The following DGKI variants were observed in gnomAD, a reference collection of about 807,000 sequenced individuals.
DGKI encodes the protein DAG kinase iota.
Under a neutral mutation model 147.5 loss-of-function variants are expected in DGKI, and 55 were observed. That is an observed-to-expected ratio of 0.37 (90% CI 0.30 to 0.47). The LOEUF is 0.47. DGKI is among the 20% of genes least tolerant of loss of function. The pLI is 1.00. For synonymous variants in DGKI, 469 were observed against 477.1 expected (o/e 0.98, Z 0.22); for missense variants, 1,007 against 1,323.8 (o/e 0.76, Z 3.71).
chr7:137,472,409 A>G (rs1815011614), intron 23 of DGKI, among the ~76,000 whole-genome samples: 1 of 135,864 alleles, frequency 7.4e-6, no homozygotes, highest in South Asian at 2.1e-4. Context: ...TATTATATGT[A>G]TATATACATA....
At chr7:137,734,173 A>C (rs1794959762) in intron 1 of DGKI, among the ~76,000 whole-genome samples, 1 of 152,056 alleles carries the variant, frequency 6.6e-6, no homozygotes, top group Non-Finnish European at 1.5e-5. Flanking sequence ...CCCTTCTAAT[A>C]AACAGAATAC....
rs1427972850 is a variant in DGKI at position 137,527,916 on chromosome 7, T to A, written c.2148-5950A>T. ...GGCTCGTTTTATAAATAGAGTTTTA[T>A]TAAAATATGAATTTATAGTGTGAAT... On this transcript the variant is annotated intron_variant, in intron 20 of 32. Coordinates refer to ENST00000614521, the MANE Select transcript of DGKI (RefSeq NM_001321708.2). Among the ~76,000 whole-genome samples the A allele has an allele frequency of 2.6e-5, 4 of 152,346 alleles. No individual in the cohort carries two copies. In the East Asian group the frequency reaches 7.7e-4, roughly 29 times the overall value.
intron 1 of DGKI, among the ~76,000 whole-genome samples, chr7:137,747,579 G>A (rs917278612): frequency 6.6e-5 from 10 of 152,238 alleles, no homozygotes; most frequent in Admixed American, 2.0e-4. Context: ...CGGGGTCTTT[G>A]AGCCCCTATA....
At chr7:137,642,857 G>GAA (rs775755516) in intron 6 of DGKI, among the ~76,000 whole-genome samples, 7 of 130,544 alleles carry the variant, frequency 5.4e-5, no homozygotes, top group Non-Finnish European at 9.8e-5. Context: ...CCATCAGTTG[G>GAA]AAAAAAAAAA....
chr7:137,540,972 T>C (rs914837878), intron 20 of DGKI, among the ~76,000 whole-genome samples: 1 of 152,166 alleles, frequency 6.6e-6, no homozygotes, highest in African/African-American at 2.4e-5. Context: ...AGTTGATCTA[T>C]AGACTCAATA....
intron 3 of DGKI, among the ~76,000 whole-genome samples, chr7:137,671,181 T>C (rs927193726): frequency 6.6e-6 from 1 of 152,212 alleles, no homozygotes; most frequent in African/African-American, 2.4e-5. Context: ...CTTGTACTCT[T>C]CTTGAAAGTT....
intron 28 of DGKI, among the ~76,000 whole-genome samples, chr7:137,437,744 A>G (rs1313178947): frequency 6.6e-6 from 1 of 152,162 alleles, no homozygotes; most frequent in Non-Finnish European, 1.5e-5. Flanking sequence ...TACCAAAGTT[A>G]TAACAACTAA....
intron 12 of DGKI, among the ~76,000 whole-genome samples, chr7:137,596,289 T>C (rs1025257822): frequency 1.3e-5 from 2 of 152,132 alleles, no homozygotes; most frequent in African/African-American, 2.4e-5. Context: ...GCTGAAGTCA[T>C]ATGAGAAGGC....
At chr7:137,443,770 A>T (rs1305230973) in intron 28 of DGKI, among the ~76,000 whole-genome samples, 1 of 152,216 alleles carries the variant, frequency 6.6e-6, no homozygotes, top group African/African-American at 2.4e-5. Flanking sequence ...AGTCATAAAA[A>T]GCACAGGACT....
At chr7:137,552,819 G>T (rs1421421329) in intron 19 of DGKI, among the ~76,000 whole-genome samples, 1 of 151,988 alleles carries the variant, frequency 6.6e-6, no homozygotes, top group Non-Finnish European at 1.5e-5. Context: ...GGAGGCTGAG[G>T]CAAGATAATC....
intron 3 of DGKI, among the ~76,000 whole-genome samples, chr7:137,661,676 A>G (rs1261007435): frequency 6.6e-6 from 1 of 152,142 alleles, no homozygotes; most frequent in Middle Eastern, 3.2e-3. Context: ...GGAAACTGCA[A>G]GAGAGGCCAG....
chr7:137,819,872 A>G (rs146988528), intron 1 of DGKI, among the ~76,000 whole-genome samples: 1 of 152,280 alleles, frequency 6.6e-6, no homozygotes, highest in African/African-American at 2.4e-5. Flanking sequence ...AACCTCCATT[A>G]CTATTCCTTG....
chr7:137,407,287 C>T (rs912777655), intron 30 of DGKI, among the ~76,000 whole-genome samples: 2 of 152,192 alleles, frequency 1.3e-5, no homozygotes, highest in Middle Eastern at 3.2e-3. Flanking sequence ...CTACTTCCTG[C>T]AAACGATCTG....
intron 1 of DGKI, among the ~76,000 whole-genome samples, chr7:137,838,425 G>T (rs971928458): frequency 6.6e-6 from 1 of 152,044 alleles, no homozygotes; most frequent in African/African-American, 2.4e-5. Flanking sequence ...AATGATACAC[G>T]GAACCCTTTC....
intron 11 of DGKI, 34 bp downstream of exon 11, chr7:137,599,789 A>G: frequency 6.3e-7 from 1 of 1,595,786 alleles, no homozygotes; most frequent in Non-Finnish European, 8.6e-7. Context: ...TGCCTAAAAT[A>G]CATATGGACC....
chr7:137,446,275 G>A (rs1204403303), intron 27 of DGKI, among the ~76,000 whole-genome samples: 1 of 152,178 alleles, frequency 6.6e-6, no homozygotes, highest in African/African-American at 2.4e-5. Flanking sequence ...TCCAGGCAGT[G>A]GATAAAATAT....
intron 1 of DGKI, among the ~76,000 whole-genome samples, chr7:137,798,820 C>T (rs1797110704): frequency 6.6e-6 from 1 of 151,984 alleles, no homozygotes; most frequent in South Asian, 2.1e-4. Context: ...GAGATTTTAC[C>T]CTAGGAGTGC....
At position 137,466,015 on chromosome 7, in the gene DGKI, C is replaced by T; in HGVS notation, c.2505G>A (p.Met835Ile). The T allele has an allele frequency of 1.2e-6, 2 of 1,613,946 alleles. No individual in the cohort carries two copies. Among genetic ancestry groups the T allele is most frequent in the Non-Finnish European group, 1.7e-6 (2 of 1,179,870 alleles). ...TAAAAATCTCATCTTGGGAAATCTC[C>T]ATCACAAAGTGCAAATGTTCCTAAA... ...DRSQEHLHFV[M>I]EISQDEIFIL... is the part of the protein sequence containing the mutation. Residue 835 changes from methionine (M) to isoleucine (I), a missense_variant, in exon 26 of 33, where the codon ATG becomes ATA. Met to Ile is a conservative substitution (Grantham distance 10, BLOSUM62 1). Coordinates refer to ENST00000614521, the MANE Select transcript of DGKI (RefSeq NM_001321708.2).
At chr7:137,729,780 T>C (rs1273843785) in intron 1 of DGKI, among the ~76,000 whole-genome samples, 1 of 152,102 alleles carries the variant, frequency 6.6e-6, no homozygotes, top group Non-Finnish European at 1.5e-5. Context: ...TTCTTGAAAT[T>C]TTCTTGGCCT....
Sources: gnomAD v4.1 joint callset for allele counts (sites outside exome capture counted in the v4.1 genomes callset) on GRCh38, gnomAD v4.1.1 for gene constraint, MANE v1.5 for transcripts, NCBI Gene and HGNC (gene_info 2026-07-23, HGNC 2026-07-21) for gene names.